The following RBFOX1 variants were observed in gnomAD, a reference collection of about 807,000 sequenced individuals.
The protein encoded by RBFOX1 is RNA binding fox-1 homolog 1.
RBFOX1 carries 8 observed loss-of-function variants against 57.7 expected under a neutral mutation model. That is an observed-to-expected ratio of 0.14 (90% CI 0.08 to 0.25). The LOEUF (loss-of-function observed/expected upper bound fraction) is 0.25, where lower values mean the gene tolerates loss of function less well. Ranked by LOEUF, RBFOX1 falls within the 10% of genes least tolerant of loss-of-function variation. The probability of loss-of-function intolerance (pLI) is 1.00; values close to 1 mark genes in which losing one functional copy is unlikely to be tolerated. For synonymous variants in RBFOX1, 326 were observed against 222.4 expected (o/e 1.47, Z -4.15); for missense variants, 611 against 548.5 (o/e 1.11, Z -1.14).
At chr16:5,795,299 T>G (rs1182644549) in intron 3 of RBFOX1, among the ~76,000 whole-genome samples, 2 of 151,708 alleles carry the variant, frequency 1.3e-5, no homozygotes, top group African/African-American at 4.8e-5. Context: ...TTCCACTTCT[T>G]CCTTCTTCTT....
chr16:5,303,552 C>G (rs566237883), intron 1 of RBFOX1, among the ~76,000 whole-genome samples: 4 of 152,172 alleles, frequency 2.6e-5, no homozygotes, highest in African/African-American at 9.6e-5. Context: ...GTCACAGATG[C>G]CAGTGTTTTA....
At chr16:5,476,295 T>G (rs1044265556) in intron 2 of RBFOX1, among the ~76,000 whole-genome samples, 1 of 152,158 alleles carries the variant, frequency 6.6e-6, no homozygotes, top group Non-Finnish European at 1.5e-5. Context: ...ATTAAAAAAA[T>G]AATAAAGTGC....
intron 4 of RBFOX1, among the ~76,000 whole-genome samples, chr16:5,931,265 G>C (rs1215917074): frequency 6.6e-6 from 1 of 152,150 alleles, no homozygotes; most frequent in African/African-American, 2.4e-5. Flanking sequence ...GATTCCACCT[G>C]TGTTCCTATT....
At chr16:6,016,997 C>A (rs908818893), upstream of RBFOX1, among the ~76,000 whole-genome samples, 1 of 152,222 alleles carries the variant, frequency 6.6e-6, no homozygotes, top group Non-Finnish European at 1.5e-5. Context: ...TCATGCCTGA[C>A]ACTCATCACT....
At chr16:6,687,294 T>C (rs1260890519) in intron 3 of RBFOX1, among the ~76,000 whole-genome samples, 1 of 151,352 alleles carries the variant, frequency 6.6e-6, no homozygotes, top group East Asian at 1.9e-4. Context: ...AAGGGGGAGG[T>C]TGGGAGGAGA....
intron 4 of RBFOX1, among the ~76,000 whole-genome samples, chr16:7,261,889 T>C (rs2094932979): frequency 6.6e-6 from 1 of 152,142 alleles, no homozygotes; most frequent in African/African-American, 2.4e-5. Flanking sequence ...TGGGCATCAA[T>C]AGTGTGAAAA....
At chr16:7,579,024 A>T (rs2093550034) in intron 5 of RBFOX1, among the ~76,000 whole-genome samples, 1 of 152,226 alleles carries the variant, frequency 6.6e-6, no homozygotes. Flanking sequence ...GCAGAGATGG[A>T]AACGTTCTGT....
chr16:6,389,190 G>A (rs577245736), intron 2 of RBFOX1, among the ~76,000 whole-genome samples: 1 of 152,282 alleles, frequency 6.6e-6, no homozygotes, highest in South Asian at 2.1e-4. Flanking sequence ...GGATTCAGAG[G>A]GAGAATTTCT....
intron 1 of RBFOX1, among the ~76,000 whole-genome samples, chr16:5,250,844 A>G (rs56815493): frequency 0.36 from 54,516 of 151,932 alleles, 9,890 homozygotes; most frequent in African/African-American, 0.41. Context: ...TTCCTCACAC[A>G]CATCACTTGG....
chr16:5,675,571 C>T (rs762696351), intron 3 of RBFOX1, among the ~76,000 whole-genome samples: 43 of 152,170 alleles, frequency 2.8e-4, no homozygotes, highest in Non-Finnish European at 5.1e-4. Context: ...ATGGGGAAAA[C>T]GAGCTGTTTA....
intron 1 of RBFOX1, among the ~76,000 whole-genome samples, chr16:5,462,750 C>T (rs1478805736): frequency 6.6e-6 from 1 of 152,032 alleles, no homozygotes; most frequent in African/African-American, 2.4e-5. Context: ...GACTGTGGTC[C>T]CCTGGGGACA....
At position 5,724,845 on chromosome 16, in the gene RBFOX1, G is replaced by A. The variant is rs1285797864; in HGVS notation, c.318+125884G>A. 3.3e-5 allele frequency among the ~76,000 whole-genome samples: 5 copies of A among 152,118 alleles called. No homozygotes were observed. The East Asian group carries it at 7.7e-4, about 23-fold the overall frequency. ...CATAGATGGTATCCCCGCCTTCCTG[G>A]AAAAATGAAAGTTACCATGAGCCTA... On this transcript the variant is annotated intron_variant, in intron 3 of 19. Transcript: ENST00000641259.
chr16:6,705,498 C>G (rs1041270668), intron 3 of RBFOX1: 1 of 152,150 alleles, frequency 6.6e-6, no homozygotes, highest in Non-Finnish European at 1.5e-5. Flanking sequence ...GCCACAACCC[C>G]CCAGCAGCAA....
At chr16:5,831,583 G>A (rs2056278213) in intron 3 of RBFOX1, among the ~76,000 whole-genome samples, 1 of 151,592 alleles carries the variant, frequency 6.6e-6, no homozygotes, top group African/African-American at 2.4e-5. Context: ...TCCACCTACT[G>A]GTTTCAAGCA....
intron 3 of RBFOX1, among the ~76,000 whole-genome samples, chr16:5,800,288 C>T (rs1424835658): frequency 1.3e-5 from 2 of 152,082 alleles, no homozygotes; most frequent in Non-Finnish European, 2.9e-5. Flanking sequence ...GGAGACTGGA[C>T]CCCATAGTCC....
At chr16:6,877,485 A>G (rs572458604) in intron 3 of RBFOX1, among the ~76,000 whole-genome samples, 1 of 152,168 alleles carries the variant, frequency 6.6e-6, no homozygotes, top group Non-Finnish European at 1.5e-5. Context: ...CAGACCATAA[A>G]ATGCCTACTT....
At chr16:7,544,604 A>C (rs1215564980) in intron 5 of RBFOX1, among the ~76,000 whole-genome samples, 2 of 152,128 alleles carry the variant, frequency 1.3e-5, no homozygotes, top group African/African-American at 4.8e-5. Context: ...CTAGGAAAGA[A>C]GCAAGGACGG....
intron 2 of RBFOX1, among the ~76,000 whole-genome samples, chr16:6,442,571 GA>G (rs59089189): frequency 1.3e-5 from 2 of 150,272 alleles, no homozygotes; most frequent in Admixed American, 6.6e-5. Flanking sequence ...AAAAAGAAAA[GA>G]AAAAAAAAGA....
At chr16:6,593,229 C>G (rs971604843) in intron 2 of RBFOX1, among the ~76,000 whole-genome samples, 1 of 152,090 alleles carries the variant, frequency 6.6e-6, no homozygotes, top group African/African-American at 2.4e-5. Flanking sequence ...AGATCACCCT[C>G]TTCCACGTAC....
Sources: allele counts gnomAD v4.1 joint callset (sites outside exome capture counted in the v4.1 genomes callset), GRCh38; gene constraint gnomAD v4.1.1; transcripts MANE v1.5; gene names NCBI Gene and HGNC (gene_info 2026-07-23, HGNC 2026-07-21).